Variants in MEGF11 observed in about 807,000 individuals in gnomAD.
MEGF11 encodes multiple epidermal growth factor-like domains protein 11.
A neutral mutation model predicts 146.6 loss-of-function variants in MEGF11; 126 were observed. That is an observed-to-expected ratio of 0.86 (90% CI 0.74 to 1.00). MEGF11 has a LOEUF of 1.00. Ranked by LOEUF, MEGF11 falls within the 50% of genes least tolerant of loss-of-function variation. The pLI is 0.00. For missense variants in MEGF11, 1,509 were observed against 1,521.2 expected, an observed-to-expected ratio of 0.99 and a Z score of 0.13; for synonymous variants, 532 against 583.4, an observed-to-expected ratio of 0.91 and a Z score of 1.27.
intron 5 of MEGF11, among the ~76,000 whole-genome samples, chr15:66,083,599 G>T (rs1415439821): frequency 1.3e-5 from 2 of 151,688 alleles, no homozygotes; most frequent in Non-Finnish European, 2.9e-5. Flanking sequence ...TAAAAGCACG[G>T]GCAATGAAAG....
intron 1 of MEGF11, among the ~76,000 whole-genome samples, chr15:66,202,127 GCACA>G (rs148469468): frequency 2.8e-5 from 4 of 142,776 alleles, no homozygotes; most frequent in Non-Finnish European, 4.6e-5. Flanking sequence ...ACGCGTGCAT[GCACA>G]CACACACACA....
intron 5 of MEGF11, among the ~76,000 whole-genome samples, chr15:66,058,667 A>G (rs148365276): frequency 2.3e-3 from 352 of 152,220 alleles, no homozygotes; most frequent in South Asian, 7.3e-3. Context: ...TGCCTCAGTC[A>G]TTCTCTCTCT....
intron 4 of MEGF11, among the ~76,000 whole-genome samples, chr15:66,115,692 G>A (rs1351139910): frequency 6.6e-6 from 1 of 152,254 alleles, no homozygotes; most frequent in Non-Finnish European, 1.5e-5. Context: ...CTTATTTGGA[G>A]ATAGGGTCTT....
intron 1 of MEGF11, among the ~76,000 whole-genome samples, chr15:66,167,352 C>T (rs1028522769): frequency 6.6e-6 from 1 of 152,114 alleles, no homozygotes; most frequent in African/African-American, 2.4e-5. Context: ...TAAAGAAGGC[C>T]CATGGATGGC....
intron 5 of MEGF11, among the ~76,000 whole-genome samples, chr15:66,005,753 C>T (rs956811541): frequency 6.6e-6 from 1 of 152,114 alleles, no homozygotes; most frequent in African/African-American, 2.4e-5. Flanking sequence ...ACAGTGTCAT[C>T]GTGTCCAGGA....
intron 4 of MEGF11, among the ~76,000 whole-genome samples, chr15:66,117,813 C>T (rs543683890): frequency 6.6e-5 from 10 of 152,308 alleles, no homozygotes; most frequent in Non-Finnish European, 1.5e-4. Flanking sequence ...GTCCTCTGCC[C>T]TGCCCCTGAG....
intron 10 of MEGF11, among the ~76,000 whole-genome samples, chr15:65,953,700 T>A (rs900462518): frequency 3.3e-5 from 5 of 151,998 alleles, no homozygotes; most frequent in Admixed American, 3.3e-4. Flanking sequence ...CACATTTCAG[T>A]GAACAGGATT....
At chr15:66,092,598 T>C (rs1412164962) in intron 5 of MEGF11, among the ~76,000 whole-genome samples, 1 of 152,198 alleles carries the variant, frequency 6.6e-6, no homozygotes, top group East Asian at 1.9e-4. Flanking sequence ...AACTGCCTAG[T>C]CCTGTTCATC....
intron 5 of MEGF11, among the ~76,000 whole-genome samples, chr15:66,003,286 G>C (rs1215084089): frequency 6.6e-6 from 1 of 152,084 alleles, no homozygotes; most frequent in Admixed American, 6.5e-5. Flanking sequence ...GAGTCACCAC[G>C]CCTGGCCCAG....
At chr15:65,966,819 C>T (rs2141582509) in intron 8 of MEGF11, among the ~76,000 whole-genome samples, 1 of 152,160 alleles carries the variant, frequency 6.6e-6, no homozygotes, top group South Asian at 2.1e-4. Context: ...CCCCCCACTG[C>T]TGACCACCTG....
intron 1 of MEGF11, among the ~76,000 whole-genome samples, chr15:66,185,108 G>A (rs72625767): frequency 0.17 from 25,281 of 152,054 alleles, 2,723 homozygotes; most frequent in East Asian, 0.47. Context: ...ATACATACTC[G>A]TTTCTTGAAA....
chr15:65,919,992 G>A (rs922887473), intron 15 of MEGF11, among the ~76,000 whole-genome samples: 2 of 152,188 alleles, frequency 1.3e-5, no homozygotes, highest in Non-Finnish European at 2.9e-5. Context: ...AGGTATGCCT[G>A]TATTTAGTTC....
intron 1 of MEGF11, among the ~76,000 whole-genome samples, chr15:66,134,277 G>A (rs2088788892): frequency 6.6e-6 from 1 of 152,132 alleles, no homozygotes; most frequent in South Asian, 2.1e-4. Context: ...CCTCCTGCTC[G>A]CCCCAACTCC....
intron 1 of MEGF11, among the ~76,000 whole-genome samples, chr15:66,172,925 C>T (rs1270578670): frequency 3.3e-5 from 5 of 152,156 alleles, no homozygotes; most frequent in Non-Finnish European, 5.9e-5. Context: ...CTGACTTTTC[C>T]GCGTCCCTTT....
At chr15:66,154,386 C>T (rs760633148) in intron 1 of MEGF11, among the ~76,000 whole-genome samples, 8 of 152,178 alleles carry the variant, frequency 5.3e-5, no homozygotes, top group Non-Finnish European at 8.8e-5. Context: ...GTACTTGCCC[C>T]GCAAGAGCCA....
At position 66,224,661 on chromosome 15, in the gene MEGF11, A is replaced by G. The variant is rs1051273521; in HGVS notation, c.-9+28944T>C. Among the ~76,000 whole-genome samples, 7 of 146,184 alleles carry G rather than the reference A, an allele frequency of 4.8e-5. No individual in the cohort carries two copies. The Admixed American group carries it at 4.8e-4, about 10-fold the overall frequency. The stretch of plus-strand genomic sequence containing the variant: ...CTTATTATATTATATATTTATATAT[A>G]AAGTATATATTTATATATAATATAT... On this transcript the variant is annotated intron_variant, in intron 1 of 25. Transcript: ENST00000395614.
At chr15:66,144,020 T>A (rs1375623609) in intron 1 of MEGF11, among the ~76,000 whole-genome samples, 1 of 152,056 alleles carries the variant, frequency 6.6e-6, no homozygotes, top group Non-Finnish European at 1.5e-5. Context: ...AGCTCCCCCA[T>A]CAGAGAGCTC....
At chr15:66,025,171 T>G (rs1489833605) in intron 5 of MEGF11, among the ~76,000 whole-genome samples, 3 of 152,220 alleles carry the variant, frequency 2.0e-5, no homozygotes, top group Non-Finnish European at 4.4e-5. Flanking sequence ...GAACTCTCTC[T>G]TCCAGCAAGT....
At chr15:65,918,454 C>T (rs1175474170) in intron 15 of MEGF11, among the ~76,000 whole-genome samples, 2 of 152,256 alleles carry the variant, frequency 1.3e-5, no homozygotes, top group African/African-American at 4.8e-5. Flanking sequence ...TGTTCCACAG[C>T]CTTCTGCTTT....
Sources: gnomAD v4.1 joint callset for allele counts (sites outside exome capture counted in the v4.1 genomes callset) on GRCh38, gnomAD v4.1.1 for gene constraint, MANE v1.5 for transcripts, NCBI Gene and HGNC (gene_info 2026-07-23, HGNC 2026-07-21) for gene names.